Variants in ZNF843 observed in about 807,000 individuals in gnomAD.
The protein encoded by ZNF843 is zinc finger protein 843.
For missense variants in ZNF843, 482 were observed against 469.4 expected, an observed-to-expected ratio of 1.03 and a Z score of -0.25; for synonymous variants, 185 against 207.7, an observed-to-expected ratio of 0.89 and a Z score of 0.94.
In ZNF843 at chr16:31,435,628, C is replaced by A. The variant is rs1404900840; in HGVS notation, c.*175G>T. The A allele has an allele frequency of 5.0e-6, 3 of 601,246 alleles. No homozygotes were observed. Among genetic ancestry groups the A allele is most frequent in the Admixed American group, 7.5e-5 (2 of 26,646 alleles). 37.2% of individuals were successfully genotyped at this position (601,246 alleles called of 1,614,324 possible). On this transcript the variant is annotated 3_prime_UTR_variant, in exon 2 of 2. Transcript: ENST00000315678. ...TCCCTTAATGTATAAGGGAAAGGAG[C>A]GAGAATTCAGGGGAAAAAAAACAAA...
At chr16:31,441,783 G>A (rs975254437) in intron 1 of ZNF843, among the ~76,000 whole-genome samples, 3 of 152,132 alleles carry the variant, frequency 2.0e-5, no homozygotes, top group African/African-American at 7.2e-5. Context: ...CGCAGCGCCC[G>A]GCAGAATACA....
intron 1 of ZNF843, among the ~76,000 whole-genome samples, chr16:31,438,372 ACAAT>A (rs2063267152): frequency 1.3e-5 from 2 of 152,368 alleles, no homozygotes; most frequent in African/African-American, 2.4e-5. Flanking sequence ...TACAATTTTA[ACAAT>A]CAAAGTAGCC....
chr16:31,436,526 C>T lies in ZNF843; in HGVS notation c.324G>A (p.Lys108=). The T allele has an allele frequency of 6.5e-7, 1 of 1,550,090 alleles. No homozygotes were observed. Among genetic ancestry groups the T allele is most frequent in the Non-Finnish European group, 8.7e-7 (1 of 1,145,876 alleles). ...GCAGGGCTTCGGCCAGTGTGTGCTC[C>T]TTGGTGAGCCAGCAGCAGAGCTGGC... ...FSGQLCCWLT[K]EHTLAEALRL... The change falls in exon 2 of 2, where the codon AAG becomes AAA. Residue 108 remains lysine (K), a synonymous_variant. Transcript: ENST00000315678.
chr16:31,440,536 T>C (rs2082197740), intron 1 of ZNF843, among the ~76,000 whole-genome samples: 1 of 152,224 alleles, frequency 6.6e-6, no homozygotes, highest in African/African-American at 2.4e-5. Context: ...TACCATATTA[T>C]ATTGTATTCA....
intron 1 of ZNF843, among the ~76,000 whole-genome samples, chr16:31,439,506 G>A (rs1407746911): frequency 6.6e-6 from 1 of 152,194 alleles, no homozygotes; most frequent in African/African-American, 2.4e-5. Flanking sequence ...GTCCATCAAT[G>A]GGTGGAAGAA....
In ZNF843 at chr16:31,437,179, TTC is replaced by T. The variant is rs1340276445; in HGVS notation, c.-332_-331del. 2 of 280,302 alleles carry T rather than the reference TTC, an allele frequency of 7.1e-6. No individual in the cohort carries two copies. The highest frequency in any genetic ancestry group is 4.4e-5 in the African/African-American group (2 of 45,660). The allele number at this position is 280,302 out of a possible 1,614,324, so 17.4% of individuals were successfully genotyped here. On this transcript the variant is annotated 5_prime_UTR_variant, in exon 2 of 2. An upstream open reading frame in the 5' UTR gains an earlier in-frame stop. Coordinates refer to ENST00000315678, the MANE Select transcript of ZNF843 (RefSeq NM_001136509.3). ...AAGATTTCAGATCCCAGAGCCATCA[TTC>T]TCTCTAGAGGGAGAGAAAACCACAG...
Position 31,435,997 on chromosome 16 carries a change from C to T in ZNF843, c.853G>A (p.Ala285Thr), listed in dbSNP as rs1215980465. The change falls in exon 2 of 2, where the codon GCC becomes ACC. Residue 285 changes from alanine to threonine, a missense_variant. Physicochemically the swap from Ala to Thr is moderately conservative, Grantham distance 58 (BLOSUM62 0). Transcript: ENST00000315678. ...CGGGCTGGCTCAGGGTAGCCTGGGG[C>T]CTGAACCGCCTCCCGCGAGTCCCGT... is the stretch of plus-strand genomic sequence containing the variant. ...AGRDSREAVQ[A>T]PGYPEPARKA... 8.7e-5 allele frequency: 133 copies of T among 1,523,192 alleles called. No individual in the cohort carries two copies. Among genetic ancestry groups the T allele is most frequent in the Non-Finnish European group, 1.1e-4 (126 of 1,132,002 alleles). The allele number at this position is 1,523,192 out of a possible 1,614,324, so 94.4% of individuals were successfully genotyped here.
chr16:31,435,865 C>G lies in ZNF843; in HGVS notation c.985G>C (p.Ala329Pro). ...PPPSNPHWRG[A>P]LPVFPVWKAS... Reference sequence around the variant, plus strand: ...TTCCACACCGGAAACACTGGTAGGGCTCCTCTCCAGTGTGGGTTCGAGGGC... The same window carrying G: ...TTCCACACCGGAAACACTGGTAGGGGTCCTCTCCAGTGTGGGTTCGAGGGC... Residue 329 changes from alanine to proline, a missense_variant, in exon 2 of 2, where the codon GCC becomes CCC. Transcript: ENST00000315678. 3.3e-6 allele frequency: 5 copies of G among 1,516,398 alleles called. No individual in the cohort carries two copies. The highest frequency in any genetic ancestry group is 4.4e-6 in the Non-Finnish European group (5 of 1,130,642). 93.9% of individuals were successfully genotyped at this position (1,516,398 alleles called of 1,614,324 possible).
chr16:31,435,811 G>A lies in ZNF843; in HGVS notation c.1039C>T (p.Arg347Ter), dbSNP rs1178432934. The A allele has an allele frequency of 2.1e-6, 3 of 1,451,606 alleles. No homozygotes were observed. Among genetic ancestry groups the A allele is most frequent in the Non-Finnish European group, 2.7e-6 (3 of 1,097,956 alleles). 89.9% of individuals were successfully genotyped at this position (1,451,606 alleles called of 1,614,324 possible). The stretch of plus-strand genomic sequence containing the variant: ...TGCAGCACGCTGGTTCTTCAGTGTC[G>A]GGCCAGGTTGGACCTCCGGCTGGAG... Reference protein sequence around the residue: ...KASSRRSNLARH With the variant: ...KASSRRSNLA Residue 347 changes from arginine to a stop codon, truncating the protein, a stop_gained, in exon 2 of 2, where the codon CGA becomes TGA. Transcript: ENST00000315678. LOFTEE classifies it high-confidence loss of function.
At chr16:31,438,123 C>G (rs999083089) in intron 1 of ZNF843, among the ~76,000 whole-genome samples, 6 of 152,040 alleles carry the variant, frequency 3.9e-5, no homozygotes, top group African/African-American at 1.2e-4. Flanking sequence ...CTAACCTGGG[C>G]AACAAAGCAA....
chr16:31,435,782 G>A lies in ZNF843; in HGVS notation c.*21C>T. 6.9e-7 allele frequency: 1 copy of A among 1,445,240 alleles called. No homozygotes were observed. The highest frequency in any genetic ancestry group is 9.1e-7 in the Non-Finnish European group (1 of 1,095,908). The allele number at this position is 1,445,240 out of a possible 1,614,324, so 89.5% of individuals were successfully genotyped here. A position where few individuals can be genotyped will look rare whatever the true frequency, so the allele number is the denominator to read the frequency against. On this transcript the variant is annotated 3_prime_UTR_variant, in exon 2 of 2. Transcript: ENST00000315678. ...CCGGCGGCTGCAACAATTCCACCCA[G>A]GGCTGCAGCACGCTGGTTCTTCAGT...
intron 1 of ZNF843, among the ~76,000 whole-genome samples, chr16:31,438,888 A>G (rs1192721311): frequency 1.3e-5 from 2 of 151,558 alleles, no homozygotes; most frequent in Admixed American, 6.6e-5. Context: ...ATTCTCAGCA[A>G]ACTATCCCAA....
intron 1 of ZNF843, among the ~76,000 whole-genome samples, chr16:31,440,124 T>G (rs568096485): frequency 1.3e-5 from 2 of 152,302 alleles, no homozygotes; most frequent in East Asian, 3.9e-4. Flanking sequence ...ATTACCCCAT[T>G]TTATAGATGA....
In ZNF843 at chr16:31,442,731, A is replaced by C. The variant is rs2082206036; in HGVS notation, c.-431T>G. On this transcript the variant is annotated 5_prime_UTR_variant, in exon 1 of 2. Transcript: ENST00000315678. ...GCCCCGCGAGCCGCCCCCGAGAGAC[A>C]CGGCGGATCGGAACCCAGCCGGGCG... 6.6e-6 allele frequency: 1 copy of C among 152,116 alleles called. No homozygotes were observed. Among genetic ancestry groups the C allele is most frequent in the African/African-American group, 2.4e-5 (1 of 41,408 alleles). 9.4% of individuals were successfully genotyped at this position (152,116 alleles called of 1,614,324 possible). A position where few individuals can be genotyped will look rare whatever the true frequency, so the allele number is the denominator to read the frequency against.
chr16:31,437,297 C>CTTTTTTTTTTTTTTTTTTTTTTTTT (rs59710664), intron 1 of ZNF843, 113 bp from the exon 2 acceptor site: 2 of 82,028 alleles, frequency 2.4e-5, no homozygotes, highest in African/African-American at 1.0e-4. Context: ...TTCTTTCCTT[C>CTTTTTTTTTTTTTTTTTTTTTTTTT]TTTTTTTTTT....
chr16:31,438,736 C>T (rs1166092299), intron 1 of ZNF843, among the ~76,000 whole-genome samples: 1 of 152,104 alleles, frequency 6.6e-6, no homozygotes. Context: ...GCCAAAAAAT[C>T]ACTGACTCCT....
In ZNF843 at chr16:31,437,133, T is replaced by C; in HGVS notation, c.-284A>G. Reference sequence around the variant, plus strand: ...TTGGATACGCTGGTCCTCACTGCCGTGTCCAGTTCCTGCGGAAGGAAAGAT... The same window carrying C: ...TTGGATACGCTGGTCCTCACTGCCGCGTCCAGTTCCTGCGGAAGGAAAGAT... On this transcript the variant is annotated 5_prime_UTR_variant, in exon 2 of 2. Coordinates refer to ENST00000315678, the MANE Select transcript of ZNF843 (RefSeq NM_001136509.3). 5.5e-6 allele frequency: 2 copies of C among 365,134 alleles called. No homozygotes were observed. Among genetic ancestry groups the C allele is most frequent in the East Asian group, 4.6e-5 (1 of 21,518 alleles). The allele number at this position is 365,134 out of a possible 1,614,324, so 22.6% of individuals were successfully genotyped here.
At chr16:31,439,644 A>G (rs901504211) in intron 1 of ZNF843, among the ~76,000 whole-genome samples, 1 of 152,242 alleles carries the variant, frequency 6.6e-6, no homozygotes, top group Non-Finnish European at 1.5e-5. Context: ...TACATACTAT[A>G]TGATTCAATT....
In ZNF843 at chr16:31,440,588, T is replaced by C. The variant is rs541003819; in HGVS notation, c.-336+2048A>G. Among the ~76,000 whole-genome samples the C allele has an allele frequency of 3.3e-4, 50 of 152,368 alleles. No individual in the cohort carries two copies. In the South Asian group the frequency reaches 7.9e-3, roughly 24 times the overall value. ...AATAGATCATTAGTAGAGATAATGC[T>C]GTAATGAGCATCTTCATGGAATGCA... On this transcript the variant is annotated intron_variant, in intron 1 of 1. Transcript: ENST00000315678.
Sources: gnomAD v4.1 joint callset for allele counts (sites outside exome capture counted in the v4.1 genomes callset) on GRCh38, gnomAD v4.1.1 for gene constraint, MANE v1.5 for transcripts, NCBI Gene and HGNC (gene_info 2026-07-23, HGNC 2026-07-21) for gene names.